SGCD: variants seen among roughly 807,000 people sequenced by gnomAD.
SGCD encodes the protein delta-sarcoglycan.
A neutral mutation model predicts 36.6 loss-of-function variants in SGCD; 18 were observed. The observed-to-expected ratio is 0.49, with a 90% confidence interval of 0.34 to 0.73. SGCD has a LOEUF of 0.73. SGCD is among the 30% of genes least tolerant of loss of function. The pLI is 0.01. For missense variants in SGCD, 387 were observed against 346.7 expected, an observed-to-expected ratio of 1.12 and a Z score of -0.92; for synonymous variants, 133 against 130.6, an observed-to-expected ratio of 1.02 and a Z score of -0.12.
chr5:156,490,463 A>T (rs915914920), intron 3 of SGCD, among the ~76,000 whole-genome samples: 1 of 145,720 alleles, frequency 6.9e-6, no homozygotes, highest in Non-Finnish European at 1.5e-5. Flanking sequence ...TCAACAAAAT[A>T]CTAGTAAACC....
chr5:156,069,728 T>C (rs1487699275), intron 1 of SGCD, among the ~76,000 whole-genome samples: 1 of 148,652 alleles, frequency 6.7e-6, no homozygotes, highest in African/African-American at 2.6e-5. Context: ...ATGGCCATTT[T>C]CACGATATTG....
intron 1 of SGCD, among the ~76,000 whole-genome samples, chr5:155,919,104 G>A (rs1431388368): frequency 1.3e-5 from 2 of 152,188 alleles, no homozygotes; most frequent in South Asian, 2.1e-4. Flanking sequence ...TTTGTAGAAA[G>A]CACTGAATTG....
At chr5:156,103,591 T>C (rs557939843) in intron 1 of SGCD, among the ~76,000 whole-genome samples, 1 of 152,226 alleles carries the variant, frequency 6.6e-6, no homozygotes, top group East Asian at 1.9e-4. Context: ...CCTTAAACAT[T>C]GAATTTAAAA....
the SGCD span, among the ~76,000 whole-genome samples, chr5:155,829,756 GAAA>G: frequency 2.0e-5 from 3 of 152,092 alleles, no homozygotes; most frequent in African/African-American, 7.2e-5. Context: ...TCTTGGTTTG[GAAA>G]AAGTGTAGAT....
the SGCD span, among the ~76,000 whole-genome samples, chr5:155,758,512 G>A: frequency 1.5e-4 from 23 of 152,274 alleles, no homozygotes; most frequent in African/African-American, 3.4e-4. Context: ...GACTGGTACC[G>A]GTCCATGGCC....
At chr5:156,155,593 C>G (rs998087279) in intron 3 of SGCD, among the ~76,000 whole-genome samples, 5 of 143,408 alleles carry the variant, frequency 3.5e-5, no homozygotes, top group African/African-American at 1.1e-4. Context: ...CCAGACAAAC[C>G]TAGTAATGTC....
At chr5:156,379,024 T>G (rs916774765) in intron 3 of SGCD, among the ~76,000 whole-genome samples, 2 of 152,208 alleles carry the variant, frequency 1.3e-5, no homozygotes, top group African/African-American at 4.8e-5. Flanking sequence ...CATCTACTTA[T>G]GTACTCACAA....
At chr5:156,358,430 T>C (rs985987654) in intron 3 of SGCD, among the ~76,000 whole-genome samples, 2 of 152,212 alleles carry the variant, frequency 1.3e-5, no homozygotes, top group Non-Finnish European at 2.9e-5. Flanking sequence ...ATGGTTTCTA[T>C]TGGAAATCCT....
intron 2 of SGCD, among the ~76,000 whole-genome samples, chr5:156,330,788 A>C (rs1580829409): frequency 6.6e-6 from 1 of 152,332 alleles, no homozygotes; most frequent in Non-Finnish European, 1.5e-5. Context: ...GGAAGGTGGT[A>C]TCATCTTGCT....
At chr5:155,731,200 G>A in the SGCD span, among the ~76,000 whole-genome samples, 2 of 151,738 alleles carry the variant, frequency 1.3e-5, no homozygotes, top group Admixed American at 1.3e-4. Flanking sequence ...GAGAGGGAGG[G>A]CAGAGAGAAG....
chr5:156,368,525 A>T (rs1328220784), intron 3 of SGCD, among the ~76,000 whole-genome samples: 1 of 152,164 alleles, frequency 6.6e-6, no homozygotes, highest in Non-Finnish European at 1.5e-5. Flanking sequence ...TACATTTCTT[A>T]TTCTGTCAAG....
intron 1 of SGCD, among the ~76,000 whole-genome samples, chr5:155,957,087 A>C (rs1277465677): frequency 6.8e-6 from 1 of 146,684 alleles, no homozygotes; most frequent in African/African-American, 2.6e-5. Context: ...GTTTTGAATA[A>C]GGTGCTCAAG....
At chr5:155,797,500 C>T in the SGCD span, among the ~76,000 whole-genome samples, 2 of 152,096 alleles carry the variant, frequency 1.3e-5, no homozygotes, top group Non-Finnish European at 2.9e-5. Flanking sequence ...GAAAAAAGGC[C>T]AATAGAATTG....
intron 1 of SGCD, among the ~76,000 whole-genome samples, chr5:156,002,819 C>A (rs1351296390): frequency 1.3e-5 from 2 of 152,256 alleles, no homozygotes; most frequent in East Asian, 1.9e-4. Flanking sequence ...GAGGAGCAAC[C>A]CTTGAATTAA....
At chr5:156,074,694 G>A (rs930666194) in intron 1 of SGCD, among the ~76,000 whole-genome samples, 1 of 152,010 alleles carries the variant, frequency 6.6e-6, no homozygotes, top group South Asian at 2.1e-4. Flanking sequence ...AAAGAAAAAA[G>A]AATGTATTTA....
intron 3 of SGCD, among the ~76,000 whole-genome samples, chr5:156,145,985 G>A (rs1456422798): frequency 9.9e-5 from 15 of 152,156 alleles, no homozygotes; most frequent in Non-Finnish European, 1.5e-4. Flanking sequence ...AGGCCAAGGT[G>A]GGCGGATCAC....
rs1412559236 is a variant in SGCD, at chr5:156,380,285, A to G, written c.192+35608A>G. On this transcript the variant is annotated intron_variant, in intron 3 of 8. Transcript: ENST00000337851. ...GCACACCTTACCAAAGCCAAAGGAG[A>G]CGTTGAAATGCTATACTACTTAACC... is the stretch of plus-strand genomic sequence containing the variant. Among the ~76,000 whole-genome samples the G allele has an allele frequency of 2.0e-5, 3 of 152,170 alleles. No individual in the cohort carries two copies. In the East Asian group the frequency reaches 5.8e-4, roughly 29 times the overall value.
chr5:156,053,658 G>A (rs1454663047), intron 1 of SGCD, among the ~76,000 whole-genome samples: 1 of 146,074 alleles, frequency 6.8e-6, no homozygotes, highest in Non-Finnish European at 1.5e-5. Flanking sequence ...TTTGACTTAA[G>A]CACCTTGGCA....
chr5:156,281,856 C>T (rs1766460793), intron 3 of SGCD, among the ~76,000 whole-genome samples: 1 of 151,954 alleles, frequency 6.6e-6, no homozygotes, highest in Admixed American at 6.6e-5. Flanking sequence ...CTCATTACAC[C>T]ATAGGCCCTC....
Sources: allele counts gnomAD v4.1 joint callset (sites outside exome capture counted in the v4.1 genomes callset), GRCh38; gene constraint gnomAD v4.1.1; transcripts MANE v1.5; gene names NCBI Gene and HGNC (gene_info 2026-07-23, HGNC 2026-07-21).